PSME4: variants seen among roughly 807,000 people sequenced by gnomAD.
The protein encoded by PSME4 is proteasome activator subunit 4, also known as proteasome activator complex subunit 4.
In PSME4, 89 loss-of-function variants were observed where a neutral mutation model predicts 253.9. The ratio of observed to expected loss-of-function variants is 0.35; its 90% CI spans 0.30 to 0.42. The LOEUF (loss-of-function observed/expected upper bound fraction) is 0.42, where lower values mean the gene tolerates loss of function less well. Among genes scored for constraint, PSME4 ranks in the 10% least tolerant of loss-of-function variants. PSME4 has a pLI of 1.00. For missense variants in PSME4, 2,014 were observed against 2,195.2 expected, an observed-to-expected ratio of 0.92 and a Z score of 1.65; for synonymous variants, 851 against 759.2, an observed-to-expected ratio of 1.12 and a Z score of -1.99.
chr2:53,954,072 G>A (rs1261194917), intron 1 of PSME4, among the ~76,000 whole-genome samples: 1 of 151,876 alleles, frequency 6.6e-6, no homozygotes, highest in Non-Finnish European at 1.5e-5. Flanking sequence ...GCTCACGCCT[G>A]TAATCCCAGC....
chr2:53,927,716 G>A (rs1360137753), intron 11 of PSME4, among the ~76,000 whole-genome samples: 1 of 152,156 alleles, frequency 6.6e-6, no homozygotes, highest in Non-Finnish European at 1.5e-5. Context: ...GGAGGCTGAG[G>A]CGGGTGGATC....
At chr2:53,872,015 C>CA (rs1212598720) in intron 43 of PSME4, among the ~76,000 whole-genome samples, 2 of 151,440 alleles carry the variant, frequency 1.3e-5, no homozygotes, top group African/African-American at 2.4e-5. Context: ...ACTCCCTCTC[C>CA]AAAAAAAGGG....
At chr2:53,932,958 C>A (rs1668911289) in intron 8 of PSME4, 198 bp from the exon 9 acceptor site, 1 of 516,082 alleles carries the variant, frequency 1.9e-6, no homozygotes, top group Admixed American at 3.2e-5. Flanking sequence ...TATTCTACTG[C>A]AAATAAGGGC....
Position 53,887,974 on chromosome 2 carries a change from T to C in PSME4, c.4404A>G (p.Leu1468=). Residue 1468 remains leucine (L), a synonymous_variant, in exon 39 of 47, where the codon CTA becomes CTG. Coordinates refer to ENST00000404125, the MANE Select transcript of PSME4 (RefSeq NM_014614.3). ...ATTCTTGCTGGGCAAGGCCACCTTG[T>C]AGTACATAAAGTCGACTAAAATTAA... is the stretch of plus-strand genomic sequence containing the variant. ...SFVDACRLYV[L]QGGLAQQEWR... The C allele has an allele frequency of 2.5e-6, 4 of 1,612,076 alleles. No individual in the cohort carries two copies. The highest frequency in any genetic ancestry group is 2.5e-6 in the Non-Finnish European group (3 of 1,179,176).
intron 1 of PSME4, among the ~76,000 whole-genome samples, chr2:53,952,222 G>A (rs1307971577): frequency 1.3e-5 from 2 of 151,772 alleles, no homozygotes; most frequent in African/African-American, 2.4e-5. Context: ...GATCACGTGA[G>A]ATTAGGAGTT....
intron 27 of PSME4, 30 bp downstream of exon 27, chr2:53,903,995 T>C: frequency 6.4e-7 from 1 of 1,559,110 alleles, no homozygotes; most frequent in Non-Finnish European, 8.7e-7. Flanking sequence ...TTGAAAATGT[T>C]TACAGTAAAA....
chr2:53,890,063 G>A (rs747288831), intron 37 of PSME4, 41 bp downstream of exon 37: 2 of 1,422,704 alleles, frequency 1.4e-6, no homozygotes, highest in Non-Finnish European at 2.0e-6. Flanking sequence ...CAAACAGTTT[G>A]AATAGATCAG....
At chr2:53,940,038 A>C (rs1383484602) in intron 3 of PSME4, 38 bp from the exon 4 acceptor site, 1 of 1,440,322 alleles carries the variant, frequency 6.9e-7, no homozygotes, top group Admixed American at 1.9e-5. Flanking sequence ...AGATTGGTGT[A>C]TTTTAAGAAC....
In PSME4 at chr2:53,869,415, G is replaced by C; in HGVS notation, c.5224C>G (p.Arg1742Gly). Residue 1742 changes from arginine to glycine, a missense_variant, in exon 44 of 47, where the codon CGA becomes GGA. Transcript: ENST00000404125. Reference protein sequence around the residue: ...CKTKLPKKRKRDPGSVGDTIP... With the variant: ...CKTKLPKKRKGDPGSVGDTIP... ...GTATCTCCTACAGAACCAGGGTCTC[G>C]CTTTCTTTTCTTAGGTAGTTTTGTT... The C allele has an allele frequency of 4.3e-6, 7 of 1,610,280 alleles. No homozygotes were observed. Among genetic ancestry groups the C allele is most frequent in the Non-Finnish European group, 5.1e-6 (6 of 1,177,450 alleles).
chr2:53,923,351 C>T lies in PSME4; in HGVS notation c.1878G>A (p.Met626Ile), dbSNP rs1029433507. ...HIFETRVAGR[M>I]VADMCRAAVK... ...CAGCAGCGCGGCACATGTCTGCCAC[C>T]ATGCGACCTGCTACTCTTGTTTCAA... The change falls in exon 15 of 47, where the codon ATG (methionine) becomes ATA (isoleucine). Residue 626 changes from methionine (M) to isoleucine (I), a missense_variant. Met to Ile is a conservative substitution (Grantham distance 10, BLOSUM62 1). This residue lies in a region of PSME4 where 989 missense variants were observed against 1,021.1 expected (regional missense o/e 0.97). Coordinates refer to ENST00000404125, the MANE Select transcript of PSME4 (RefSeq NM_014614.3). 6.2e-7 allele frequency: 1 copy of T among 1,610,354 alleles called. No homozygotes were observed. The highest frequency in any genetic ancestry group is 8.5e-7 in the Non-Finnish European group (1 of 1,179,108).
At chr2:53,931,173 G>C (rs1489905690) in intron 10 of PSME4, among the ~76,000 whole-genome samples, 1 of 152,174 alleles carries the variant, frequency 6.6e-6, no homozygotes, top group African/African-American at 2.4e-5. Flanking sequence ...ACCTACTCAG[G>C]AGGCTGAGGC....
intron 44 of PSME4, among the ~76,000 whole-genome samples, chr2:53,869,174 T>C (rs1465923778): frequency 6.6e-6 from 1 of 152,204 alleles, no homozygotes; most frequent in Non-Finnish European, 1.5e-5. Context: ...CAGGTTCCTT[T>C]CTATCTACCT....
chr2:53,944,842 G>C (rs959694592), intron 3 of PSME4, among the ~76,000 whole-genome samples: 1 of 151,892 alleles, frequency 6.6e-6, no homozygotes, highest in Non-Finnish European at 1.5e-5. Flanking sequence ...TAAATCAATA[G>C]AGAAACAAAT....
At chr2:53,937,626 G>C in intron 4 of PSME4, 86 bp from the exon 5 acceptor site, 1 of 1,257,844 alleles carries the variant, frequency 8.0e-7, no homozygotes, top group South Asian at 1.3e-5. Context: ...AAAAGGCTGG[G>C]GGAGGAGGAG....
chr2:53,937,578 G>A, intron 4 of PSME4, 38 bp from the exon 5 acceptor site: 1 of 1,584,550 alleles, frequency 6.3e-7, no homozygotes, highest in South Asian at 1.1e-5. Context: ...TCTGATTATT[G>A]GCTAAAAGCT....
At position 53,919,163 on chromosome 2, in the gene PSME4, G is replaced by A. The variant is rs755227759; in HGVS notation, c.2504C>T (p.Pro835Leu). ...GNLLPPLKGE[P>L]VTNLVPSMVS... Reference sequence around the variant, plus strand: ...TATTTTTACTTACAAGTTAGTAACTGGCTCTCCTTTCAACGGAGGTAGGAG... The same window carrying A: ...TATTTTTACTTACAAGTTAGTAACTAGCTCTCCTTTCAACGGAGGTAGGAG... The change falls in exon 20 of 47, where the codon CCA (proline) becomes CTA (leucine). Residue 835 changes from proline (P) to leucine (L), a missense_variant. Physicochemically the swap from Pro to Leu is moderately conservative, Grantham distance 98. Transcript: ENST00000404125. The A allele has an allele frequency of 1.2e-6, 2 of 1,611,786 alleles. No homozygotes were observed. Among genetic ancestry groups the A allele is most frequent in the South Asian group, 1.1e-5 (1 of 90,562 alleles).
At chr2:53,936,312 C>G in intron 6 of PSME4, 151 bp from the exon 7 acceptor site, 3 of 1,228,842 alleles carry the variant, frequency 2.4e-6, no homozygotes, top group Non-Finnish European at 3.1e-6. Context: ...TTAAAACCTC[C>G]AAATTTAAAT....
At chr2:53,926,132 A>C (rs575155082) in intron 12 of PSME4, 109 bp from the exon 13 acceptor site, 1 of 784,850 alleles carries the variant, frequency 1.3e-6, no homozygotes, top group Non-Finnish European at 2.1e-6. Context: ...AAACCATTAT[A>C]TTGGGTACTA....
At chr2:53,963,341 C>G (rs1230323222) in intron 1 of PSME4, among the ~76,000 whole-genome samples, 1 of 151,806 alleles carries the variant, frequency 6.6e-6, no homozygotes, top group African/African-American at 2.4e-5. Flanking sequence ...CAAAAAAAAA[C>G]ACACAAAAAA....
Sources: allele counts gnomAD v4.1 joint callset (sites outside exome capture counted in the v4.1 genomes callset), GRCh38; gene constraint gnomAD v4.1.1; regional missense constraint gnomAD v4.1.1; transcripts MANE v1.5; gene names NCBI Gene and HGNC (gene_info 2026-07-23, HGNC 2026-07-21).